The following RAPGEF4 variants were observed in gnomAD, a reference collection of about 807,000 sequenced individuals.
RAPGEF4 encodes RAP guanine-nucleotide-exchange factor (GEF) 4.
In RAPGEF4, 66 loss-of-function variants were observed where a neutral mutation model predicts 147.9. That is an observed-to-expected ratio of 0.45 (90% CI 0.37 to 0.55). The LOEUF is 0.55. Ranked by LOEUF, RAPGEF4 falls within the 20% of genes least tolerant of loss-of-function variation. The probability of loss-of-function intolerance (pLI) is 0.00; values close to 1 mark genes in which losing one functional copy is unlikely to be tolerated. For missense variants in RAPGEF4, 1,071 were observed against 1,257.3 expected (o/e 0.85, Z 2.24); for synonymous variants, 419 against 442.7 (o/e 0.95, Z 0.67).
At chr2:172,966,138 G>A (rs913673666) in intron 9 of RAPGEF4, among the ~76,000 whole-genome samples, 7 of 152,138 alleles carry the variant, frequency 4.6e-5, no homozygotes, top group African/African-American at 1.7e-4. Flanking sequence ...TATACCCACA[G>A]GATGACCATA....
intron 8 of RAPGEF4, among the ~76,000 whole-genome samples, chr2:172,961,747 C>T (rs1341383071): frequency 2.6e-5 from 4 of 152,180 alleles, no homozygotes; most frequent in African/African-American, 9.7e-5. Flanking sequence ...TGGTTGATTT[C>T]CAGATTCAGT....
intron 4 of RAPGEF4, among the ~76,000 whole-genome samples, chr2:172,827,201 A>G (rs1689766296): frequency 6.6e-6 from 1 of 152,178 alleles, no homozygotes; most frequent in South Asian, 2.1e-4. Flanking sequence ...TTGCAAGCAC[A>G]TGTATAATAC....
chr2:172,961,534 T>C (rs1286377872), intron 8 of RAPGEF4, among the ~76,000 whole-genome samples: 1 of 152,238 alleles, frequency 6.6e-6, no homozygotes, highest in Non-Finnish European at 1.5e-5. Context: ...TTAGATCACA[T>C]TCAACCAACA....
At chr2:172,749,806 T>G (rs1339175223) in intron 1 of RAPGEF4, among the ~76,000 whole-genome samples, 2 of 152,180 alleles carry the variant, frequency 1.3e-5, no homozygotes, top group South Asian at 4.1e-4. Context: ...AAACTGAATG[T>G]TTTTAATCCC....
At chr2:172,841,851 A>ATT (rs568775838) in intron 4 of RAPGEF4, among the ~76,000 whole-genome samples, 2,385 of 59,460 alleles carry the variant, frequency 0.04, 25 homozygotes, top group East Asian at 0.2. Flanking sequence ...ACACACACAC[A>ATT]CGAACATAAA....
At chr2:173,027,311 A>G (rs769407403) in intron 25 of RAPGEF4, 52 bp downstream of exon 25, 57 of 1,457,100 alleles carry the variant, frequency 3.9e-5, no homozygotes, top group Admixed American at 1.6e-4. Flanking sequence ...CTGTGTTTTC[A>G]TTTTGTTTTC....
At chr2:172,890,059 A>G (rs78024537) in intron 4 of RAPGEF4, among the ~76,000 whole-genome samples, 8,951 of 152,362 alleles carry the variant, frequency 0.059, 339 homozygotes, top group Middle Eastern at 0.095. Context: ...ACTTGACCAG[A>G]CATCTTAATA....
chr2:173,028,604 G>A (rs12612593), intron 25 of RAPGEF4, among the ~76,000 whole-genome samples: 1 of 151,906 alleles, frequency 6.6e-6, no homozygotes, highest in African/African-American at 2.4e-5. Context: ...CTTCTGTTTA[G>A]GTGAATGAGT....
At chr2:172,890,662 C>T (rs1451853799) in intron 4 of RAPGEF4, among the ~76,000 whole-genome samples, 3 of 152,188 alleles carry the variant, frequency 2.0e-5, no homozygotes, top group Non-Finnish European at 4.4e-5. Context: ...CAGACAGCTT[C>T]ACATGAATCT....
chr2:173,027,589 A>G lies in RAPGEF4; in HGVS notation c.2558+330A>G, dbSNP rs1696785039. On this transcript the variant is annotated intron_variant, in intron 25 of 30. Transcript: ENST00000397081. ...AAGTTCCCTTATACTTCGAAAGTTCAGTTGAAAAGATCTTGAAGTCAATGT... is the reference window on the plus strand; with the variant it reads ...AAGTTCCCTTATACTTCGAAAGTTCGGTTGAAAAGATCTTGAAGTCAATGT... 2.6e-5 allele frequency among the ~76,000 whole-genome samples: 4 copies of G among 152,318 alleles called. No individual in the cohort carries two copies. In the South Asian group the frequency reaches 6.2e-4, roughly 24 times the overall value.
rs529413115 is a variant in RAPGEF4 at position 172,923,143 on chromosome 2, G to A, written c.537+843G>A. Among the ~76,000 whole-genome samples, 88 of 152,232 alleles carry A rather than the reference G, an allele frequency of 5.8e-4. No individual in the cohort carries two copies. In the South Asian group the frequency reaches 0.011, roughly 19 times the overall value. Reference sequence around the variant, plus strand: ...TTCAATTTAGATTATTTCCATATCCGTTCTCAGATATCAGTCTCTGGCTTG... The same window carrying A: ...TTCAATTTAGATTATTTCCATATCCATTCTCAGATATCAGTCTCTGGCTTG... On this transcript the variant is annotated intron_variant, in intron 6 of 30. Transcript: ENST00000397081.
rs1488204232 is a variant in RAPGEF4, at chr2:173,034,069, G to C, written c.2700+105G>C. 1.0e-5 allele frequency: 11 copies of C among 1,084,890 alleles called. No homozygotes were observed. In the African/African-American group the frequency reaches 1.6e-4, roughly 16 times the overall value. 67.2% of individuals were successfully genotyped at this position (1,084,890 alleles called of 1,614,324 possible). A position where few individuals can be genotyped will look rare whatever the true frequency, so the allele number is the denominator to read the frequency against. On this transcript the variant is annotated intron_variant, in intron 27 of 30. Transcript: ENST00000397081. Reference sequence around the variant, plus strand: ...TTGGAAATTTTATCTGTCCTTATATGACTTTAAGAAGTTTATGATCCCTTT... The same window carrying C: ...TTGGAAATTTTATCTGTCCTTATATCACTTTAAGAAGTTTATGATCCCTTT...
intron 1 of RAPGEF4, among the ~76,000 whole-genome samples, chr2:172,784,153 G>A (rs932364585): frequency 6.6e-6 from 1 of 152,028 alleles, no homozygotes; most frequent in South Asian, 2.1e-4. Flanking sequence ...TGTGTGCAGG[G>A]ACCATGATCT....
chr2:172,750,104 C>T (rs1345743931), intron 1 of RAPGEF4, among the ~76,000 whole-genome samples: 1 of 152,060 alleles, frequency 6.6e-6, no homozygotes, highest in African/African-American at 2.4e-5. Context: ...CCACATTTTC[C>T]TGTCTTCTTC....
chr2:172,978,862 G>C (rs1271721070), intron 10 of RAPGEF4, among the ~76,000 whole-genome samples: 5 of 152,118 alleles, frequency 3.3e-5, no homozygotes, highest in Non-Finnish European at 7.4e-5. Context: ...ATGTCATTTT[G>C]CATGTTAAAA....
intron 4 of RAPGEF4, among the ~76,000 whole-genome samples, chr2:172,897,174 T>C (rs1487960405): frequency 6.6e-6 from 1 of 152,176 alleles, no homozygotes; most frequent in African/African-American, 2.4e-5. Flanking sequence ...TTCATTGAAG[T>C]GTAATTCACA....
intron 4 of RAPGEF4, among the ~76,000 whole-genome samples, chr2:172,877,283 C>G (rs191789090): frequency 3.0e-4 from 45 of 152,190 alleles, no homozygotes; most frequent in African/African-American, 1.1e-3. Flanking sequence ...CCAAACACCC[C>G]ACATGTTCTC....
chr2:172,775,768 C>T (rs115848713), intron 1 of RAPGEF4, among the ~76,000 whole-genome samples: 2,706 of 152,162 alleles, frequency 0.018, 98 homozygotes, highest in African/African-American at 0.062. Context: ...TACTAGCTAC[C>T]TCAGATTTAT....
chr2:172,829,474 G>T (rs1483433275), intron 4 of RAPGEF4, among the ~76,000 whole-genome samples: 1 of 152,190 alleles, frequency 6.6e-6, no homozygotes, highest in East Asian at 1.9e-4. Context: ...GATCTGATTC[G>T]AAAACATCGT....
Sources: allele counts gnomAD v4.1 joint callset (sites outside exome capture counted in the v4.1 genomes callset), GRCh38; gene constraint gnomAD v4.1.1; transcripts MANE v1.5; gene names NCBI Gene and HGNC (gene_info 2026-07-23, HGNC 2026-07-21).